VAV2: variants seen among roughly 807,000 people sequenced by gnomAD.
VAV2 encodes the protein guanine nucleotide exchange factor VAV2.
Under a neutral mutation model 132.5 loss-of-function variants are expected in VAV2, and 67 were observed. That is an observed-to-expected ratio of 0.51 (90% CI 0.42 to 0.62). The LOEUF (loss-of-function observed/expected upper bound fraction) is 0.62. Ranked by LOEUF, VAV2 falls within the 20% of genes least tolerant of loss-of-function variation. The probability of loss-of-function intolerance (pLI) is 0.00; values close to 1 mark genes in which losing one functional copy is unlikely to be tolerated. For synonymous variants in VAV2, 492 were observed against 443.5 expected (o/e 1.11, Z -1.37); for missense variants, 938 against 1,153.6 (o/e 0.81, Z 2.71).
At chr9:133,801,477 C>A (rs1465150519) in intron 9 of VAV2, among the ~76,000 whole-genome samples, 4 of 152,176 alleles carry the variant, frequency 2.6e-5, no homozygotes. Context: ...TGCAGAGGGA[C>A]ACTCTCTCTC....
intron 2 of VAV2, among the ~76,000 whole-genome samples, chr9:133,932,764 C>A (rs2132112375): frequency 2.6e-5 from 4 of 152,322 alleles, no homozygotes; most frequent in Middle Eastern, 6.8e-3. Flanking sequence ...CTCCACCGAG[C>A]CTGGATGAGA....
chr9:133,975,023 C>A (rs1002484549), intron 1 of VAV2, among the ~76,000 whole-genome samples: 1 of 152,234 alleles, frequency 6.6e-6, no homozygotes, highest in Non-Finnish European at 1.5e-5. Flanking sequence ...TGGCCCAGAG[C>A]GAGTGTGGTC....
chr9:133,780,963 G>C (rs1281209223), intron 19 of VAV2, among the ~76,000 whole-genome samples: 3 of 152,202 alleles, frequency 2.0e-5, no homozygotes, highest in African/African-American at 7.2e-5. Flanking sequence ...ACTTGGACTG[G>C]GTAATAGACC....
intron 4 of VAV2, among the ~76,000 whole-genome samples, chr9:133,820,362 C>T (rs1222957531): frequency 4.7e-5 from 7 of 148,414 alleles, no homozygotes; most frequent in Non-Finnish European, 7.4e-5. Flanking sequence ...GTCTCGCTGT[C>T]GCCCAGGCTG....
intron 2 of VAV2, among the ~76,000 whole-genome samples, chr9:133,937,357 G>A (rs1392024169): frequency 2.0e-5 from 3 of 150,486 alleles, no homozygotes; most frequent in Admixed American, 6.7e-5. Context: ...TCAAGTGTGT[G>A]TATGTGTGTT....
At chr9:133,904,424 G>A (rs913377168) in intron 2 of VAV2, among the ~76,000 whole-genome samples, 3 of 152,356 alleles carry the variant, frequency 2.0e-5, no homozygotes, top group Non-Finnish European at 2.9e-5. Flanking sequence ...CCAGGGTCCC[G>A]TGAAATTCAA....
chr9:133,848,153 G>A (rs1318797371), intron 3 of VAV2, among the ~76,000 whole-genome samples: 5 of 151,642 alleles, frequency 3.3e-5, no homozygotes, highest in African/African-American at 1.2e-4. Flanking sequence ...AGTGGCGGGC[G>A]CCTGTAGTTC....
At chr9:133,785,041 C>T (rs1237506685) in intron 17 of VAV2, among the ~76,000 whole-genome samples, 1 of 152,150 alleles carries the variant, frequency 6.6e-6, no homozygotes, top group East Asian at 1.9e-4. Flanking sequence ...TGCCCCAGGC[C>T]TCCCCCACAG....
chr9:133,938,046 C>T (rs571986092), intron 2 of VAV2, among the ~76,000 whole-genome samples: 2 of 152,330 alleles, frequency 1.3e-5, no homozygotes, highest in South Asian at 4.1e-4. Flanking sequence ...CTCTCAGAAC[C>T]GACTTCTCAG....
At chr9:133,772,115 G>A (rs1833651638) in intron 25 of VAV2, 69 bp from the exon 26 acceptor site, 1 of 1,381,258 alleles carries the variant, frequency 7.2e-7, no homozygotes, top group Non-Finnish European at 1.0e-6. Context: ...TTGGCAGCCA[G>A]GCTCATTCTG....
intron 1 of VAV2, among the ~76,000 whole-genome samples, chr9:133,971,769 C>T (rs1842341491): frequency 6.6e-6 from 1 of 152,174 alleles, no homozygotes; most frequent in Non-Finnish European, 1.5e-5. Flanking sequence ...CAGCCTGGGG[C>T]CACCTGCACC....
intron 27 of VAV2, 32 bp downstream of exon 27, chr9:133,770,346 G>A: frequency 1.9e-6 from 3 of 1,613,178 alleles, no homozygotes; most frequent in Non-Finnish European, 2.5e-6. Context: ...CCTCCGAGGA[G>A]TGCTGGTGTG....
At chr9:133,953,490 G>A (rs1841636635) in intron 1 of VAV2, among the ~76,000 whole-genome samples, 1 of 152,084 alleles carries the variant, frequency 6.6e-6, no homozygotes, top group Admixed American at 6.5e-5. Flanking sequence ...GGAGACCCTG[G>A]ACCCTGGGCC....
At chr9:133,875,772 G>A (rs1838238109) in intron 2 of VAV2, among the ~76,000 whole-genome samples, 1 of 152,188 alleles carries the variant, frequency 6.6e-6, no homozygotes, top group African/African-American at 2.4e-5. Flanking sequence ...TGTGGCTAAT[G>A]CTACGGCACC....
intron 1 of VAV2, among the ~76,000 whole-genome samples, chr9:133,986,594 G>A (rs1842862506): frequency 6.6e-6 from 1 of 152,198 alleles, no homozygotes; most frequent in Non-Finnish European, 1.5e-5. Context: ...TAAACGCACT[G>A]ATGCCCCATA....
Position 133,939,123 on chromosome 9 carries a change from C to A in VAV2, c.301G>T (p.Asp101Tyr). The A allele has an allele frequency of 6.2e-7, 1 of 1,614,210 alleles. No individual in the cohort carries two copies. The highest frequency in any genetic ancestry group is 8.5e-7 in the Non-Finnish European group (1 of 1,180,036). ...CTCACCTTTCCAAAGTCTCGCACATCGAAGAGGTCAAAGGGGTCAAACAGC... is the reference window on the plus strand; with the variant it reads ...CTCACCTTTCCAAAGTCTCGCACATAGAAGAGGTCAAAGGGGTCAAACAGC... ...SELFDPFDLFDVRDFGKVISA... is the reference protein window; with the variant it reads ...SELFDPFDLFYVRDFGKVISA... The change falls in exon 2 of 30, where the codon GAT becomes TAT. Residue 101 changes from aspartate to tyrosine, a missense_variant. Transcript: ENST00000371850.
intron 23 of VAV2, among the ~76,000 whole-genome samples, 171 bp downstream of exon 23, chr9:133,777,218 C>T (rs567794169): frequency 6.6e-6 from 1 of 152,206 alleles, no homozygotes; most frequent in Admixed American, 6.5e-5. Flanking sequence ...TGCCCCACAG[C>T]CCCCCACCCA....
intron 2 of VAV2, among the ~76,000 whole-genome samples, chr9:133,915,816 ACT>A (rs1840061175): frequency 4.2e-5 from 1 of 23,652 alleles, no homozygotes; most frequent in Non-Finnish European, 2.6e-4. Flanking sequence ...GCACACATGC[ACT>A]CACACACGCA....
chr9:133,799,253 C>T (rs552192363), intron 9 of VAV2, among the ~76,000 whole-genome samples: 1 of 152,230 alleles, frequency 6.6e-6, no homozygotes, highest in Non-Finnish European at 1.5e-5. Flanking sequence ...CATCTTGACA[C>T]ACTTCCTACT....
Sources: allele counts gnomAD v4.1 joint callset (sites outside exome capture counted in the v4.1 genomes callset), GRCh38; gene constraint gnomAD v4.1.1; transcripts MANE v1.5; gene names NCBI Gene and HGNC (gene_info 2026-07-23, HGNC 2026-07-21).